GPC5: variants seen among roughly 807,000 people sequenced by gnomAD.
GPC5 encodes the protein glypican-5.
GPC5 carries 47 observed loss-of-function variants against 53.9 expected under a neutral mutation model. The ratio of observed to expected loss-of-function variants is 0.87; its 90% CI spans 0.69 to 1.11. GPC5 has a LOEUF of 1.11. Among genes scored for constraint, GPC5 ranks in the 50% most tolerant of loss-of-function variants. The pLI is 0.00. For missense variants in GPC5, 748 were observed against 713.1 expected (o/e 1.05, Z -0.56); for synonymous variants, 286 against 263.3 (o/e 1.09, Z -0.84).
At chr13:91,855,151 C>T (rs1285017053) in intron 5 of GPC5, among the ~76,000 whole-genome samples, 4 of 151,548 alleles carry the variant, frequency 2.6e-5, no homozygotes, top group African/African-American at 7.3e-5. Flanking sequence ...CTGTAAAATT[C>T]GATAAAGACA....
chr13:92,769,005 C>T (rs763040547), intron 7 of GPC5, among the ~76,000 whole-genome samples: 4 of 151,992 alleles, frequency 2.6e-5, no homozygotes, highest in Admixed American at 6.6e-5. Flanking sequence ...TAAATAAGTA[C>T]GAACATAAGC....
chr13:92,079,311 A>C (rs558818844), intron 6 of GPC5, among the ~76,000 whole-genome samples: 11 of 152,022 alleles, frequency 7.2e-5, no homozygotes, highest in Non-Finnish European at 1.5e-4. Flanking sequence ...CGGCCTCCCA[A>C]TGTCTTGTGA....
chr13:92,393,099 T>G (rs1178154543), intron 7 of GPC5, among the ~76,000 whole-genome samples: 1 of 152,026 alleles, frequency 6.6e-6, no homozygotes, highest in Non-Finnish European at 1.5e-5. Flanking sequence ...CACATGCATG[T>G]GAATGTTCAC....
intron 7 of GPC5, among the ~76,000 whole-genome samples, chr13:92,325,340 T>C (rs1294678102): frequency 6.6e-6 from 1 of 151,922 alleles, no homozygotes; most frequent in African/African-American, 2.4e-5. Context: ...ATGAAGAAGA[T>C]CATGGAGATT....
chr13:92,378,032 C>CT (rs1244764642), intron 7 of GPC5, among the ~76,000 whole-genome samples: 3 of 152,050 alleles, frequency 2.0e-5, no homozygotes, highest in Non-Finnish European at 4.4e-5. Flanking sequence ...TTTACCATAT[C>CT]TTTTTCTCTT....
chr13:92,638,185 G>GA (rs1299117778), intron 7 of GPC5, among the ~76,000 whole-genome samples: 2 of 152,040 alleles, frequency 1.3e-5, no homozygotes, highest in Non-Finnish European at 2.9e-5. Context: ...AATAATTACT[G>GA]AAAAAAATAA....
At chr13:91,486,892 A>T (rs1883637224) in intron 2 of GPC5, 1 of 152,184 alleles carries the variant, frequency 6.6e-6, no homozygotes, top group African/African-American at 2.4e-5. Context: ...GAATTGAAGA[A>T]TTGCTTTGAG....
At chr13:92,149,419 T>C (rs1330988) in intron 7 of GPC5, among the ~76,000 whole-genome samples, 46,045 of 151,906 alleles carry the variant, frequency 0.3, 7,959 homozygotes, top group South Asian at 0.59. Context: ...TTAGAAATAG[T>C]AGGATAATAC....
chr13:92,759,492 G>C (rs1875070065), intron 7 of GPC5, among the ~76,000 whole-genome samples: 1 of 151,678 alleles, frequency 6.6e-6, no homozygotes, highest in Non-Finnish European at 1.5e-5. Flanking sequence ...AAATGAGATT[G>C]TTTTCTTGAT....
At chr13:92,043,283 G>A (rs112500853) in intron 6 of GPC5, among the ~76,000 whole-genome samples, 1,592 of 152,244 alleles carry the variant, frequency 0.01, 33 homozygotes, top group African/African-American at 0.036. Context: ...ATTTCAATTG[G>A]GATGAGTTAG....
At chr13:91,907,892 C>T (rs753406788) in intron 5 of GPC5, 45 bp from the exon 6 acceptor site, 4 of 1,582,628 alleles carry the variant, frequency 2.5e-6, no homozygotes, top group Non-Finnish European at 3.4e-6. Context: ...ACAGATAATA[C>T]CCTGATCAGG....
At chr13:92,384,596 G>T (rs113548209) in intron 7 of GPC5, among the ~76,000 whole-genome samples, 4 of 151,916 alleles carry the variant, frequency 2.6e-5, no homozygotes, top group African/African-American at 9.7e-5. Flanking sequence ...AACAAATCCC[G>T]CCGAGTGATC....
intron 7 of GPC5, among the ~76,000 whole-genome samples, chr13:92,638,244 T>A (rs1268869189): frequency 6.6e-6 from 1 of 152,216 alleles, no homozygotes; most frequent in Non-Finnish European, 1.5e-5. Context: ...CAAAGTCTCT[T>A]ATTTTCTTGG....
At chr13:92,631,184 T>C (rs1885223093) in intron 7 of GPC5, among the ~76,000 whole-genome samples, 1 of 152,062 alleles carries the variant, frequency 6.6e-6, no homozygotes, top group Non-Finnish European at 1.5e-5. Flanking sequence ...GAGAAAATGC[T>C]TGTCAATGTT....
chr13:92,037,824 T>C (rs553628307), intron 6 of GPC5, among the ~76,000 whole-genome samples: 2 of 152,240 alleles, frequency 1.3e-5, no homozygotes, highest in African/African-American at 4.8e-5. Flanking sequence ...TACACAGGTG[T>C]TTATATTAAT....
At chr13:91,907,503 T>TCTATATATA (rs2039566577) in intron 5 of GPC5, among the ~76,000 whole-genome samples, 1 of 129,554 alleles carries the variant, frequency 7.7e-6, no homozygotes, top group African/African-American at 3.0e-5. Context: ...CTCTCTCTCT[T>TCTATATATA]TATATATATA....
chr13:92,153,381 A>G (rs1344191810), intron 7 of GPC5, among the ~76,000 whole-genome samples: 1 of 152,050 alleles, frequency 6.6e-6, no homozygotes, highest in Non-Finnish European at 1.5e-5. Flanking sequence ...CAAGTGATCC[A>G]CCTGCCTCAG....
intron 1 of GPC5, among the ~76,000 whole-genome samples, chr13:91,408,358 G>A (rs1014168062): frequency 6.6e-6 from 1 of 152,040 alleles, no homozygotes; most frequent in South Asian, 2.1e-4. Flanking sequence ...ATGTCCTCCA[G>A]GTTCATCCAT....
intron 7 of GPC5, among the ~76,000 whole-genome samples, chr13:92,486,883 T>A (rs117361652): frequency 6.7e-6 from 1 of 149,892 alleles, no homozygotes; most frequent in South Asian, 2.1e-4. Context: ...TCAGATGGAG[T>A]CTCGCTCTAT....
Sources: gnomAD v4.1 joint callset for allele counts (sites outside exome capture counted in the v4.1 genomes callset) on GRCh38, gnomAD v4.1.1 for gene constraint, MANE v1.5 for transcripts, NCBI Gene and HGNC (gene_info 2026-07-23, HGNC 2026-07-21) for gene names.